PTPRM: variants seen among roughly 807,000 people sequenced by gnomAD.
The protein encoded by PTPRM is receptor-type tyrosine-protein phosphatase mu.
PTPRM carries 47 observed loss-of-function variants against 186.7 expected under a neutral mutation model. That is an observed-to-expected ratio of 0.25 (90% confidence interval 0.20 to 0.32). The LOEUF is 0.32. Ranked by LOEUF, PTPRM falls within the 10% of genes least tolerant of loss-of-function variation. The pLI is 1.00. For synonymous variants in PTPRM, 668 were observed against 674.9 expected, an observed-to-expected ratio of 0.99 and a Z score of 0.16; for missense variants, 1,494 against 1,865.0, an observed-to-expected ratio of 0.80 and a Z score of 3.66.
intron 22 of PTPRM, among the ~76,000 whole-genome samples, chr18:8,338,957 T>G (rs1478586287): frequency 5.9e-5 from 9 of 152,114 alleles, no homozygotes; most frequent in Non-Finnish European, 1.5e-5. Context: ...TTTATAGATG[T>G]AGGGGTACAA....
At chr18:8,376,414 G>A (rs868242811) in intron 25 of PTPRM, 48 bp from the exon 26 acceptor site, 4 of 1,611,874 alleles carry the variant, frequency 2.5e-6, no homozygotes, top group Middle Eastern at 3.3e-4. Context: ...AGCAGCAGCA[G>A]CAGTGTGGTC....
chr18:7,595,204 A>G (rs1439669401), intron 1 of PTPRM, among the ~76,000 whole-genome samples: 1 of 152,162 alleles, frequency 6.6e-6, no homozygotes, highest in Non-Finnish European at 1.5e-5. Flanking sequence ...TTTAATTTCC[A>G]TTTACCTTGA....
At chr18:8,131,756 G>T (rs2092514806) in intron 13 of PTPRM, among the ~76,000 whole-genome samples, 1 of 152,226 alleles carries the variant, frequency 6.6e-6, no homozygotes, top group Non-Finnish European at 1.5e-5. Flanking sequence ...GTAAGGGAAT[G>T]AGAAGTCTTA....
chr18:8,130,128 G>A (rs2092466636), intron 13 of PTPRM, among the ~76,000 whole-genome samples: 1 of 152,158 alleles, frequency 6.6e-6, no homozygotes. Flanking sequence ...GATTGCTGCT[G>A]TTGTTTTTAA....
chr18:8,218,566 C>A (rs532656637), intron 14 of PTPRM, among the ~76,000 whole-genome samples: 1 of 152,168 alleles, frequency 6.6e-6, no homozygotes, highest in Non-Finnish European at 1.5e-5. Flanking sequence ...TTTGAATAAA[C>A]AGCAGATTAT....
chr18:7,679,717 G>T (rs1394424455), intron 1 of PTPRM, among the ~76,000 whole-genome samples: 1 of 151,948 alleles, frequency 6.6e-6, no homozygotes, highest in Non-Finnish European at 1.5e-5. Flanking sequence ...TATTCTCAGA[G>T]ATCTATATGT....
At chr18:8,073,363 C>G (rs565641944) in intron 8 of PTPRM, among the ~76,000 whole-genome samples, 1 of 152,330 alleles carries the variant, frequency 6.6e-6, no homozygotes, top group East Asian at 1.9e-4. Context: ...ATGTCATCAT[C>G]ATAAACACTT....
At chr18:7,772,355 CTTTCTTTCTTTCTTTCTT>C (rs1568108137) in intron 1 of PTPRM, among the ~76,000 whole-genome samples, 2 of 27,320 alleles carry the variant, frequency 7.3e-5, no homozygotes, top group Non-Finnish European at 1.7e-4. Context: ...CTTTCTCTTT[CTTTCTTTCTTTCTTTCTT>C]TCTTTCTTTC....
intron 2 of PTPRM, among the ~76,000 whole-genome samples, chr18:7,798,793 C>T (rs2043804100): frequency 6.6e-6 from 1 of 152,156 alleles, no homozygotes; most frequent in South Asian, 2.1e-4. Context: ...TCACATTCCC[C>T]AACACCGTAA....
intron 14 of PTPRM, among the ~76,000 whole-genome samples, chr18:8,195,175 T>A (rs922621352): frequency 1.5e-4 from 19 of 130,298 alleles, no homozygotes; most frequent in South Asian, 2.5e-4. Flanking sequence ...TTTTTTTTTT[T>A]AAATAATGTT....
chr18:8,177,744 G>A (rs1350549029), intron 14 of PTPRM, among the ~76,000 whole-genome samples: 1 of 152,190 alleles, frequency 6.6e-6, no homozygotes, highest in Non-Finnish European at 1.5e-5. Flanking sequence ...AAAGTAAATA[G>A]AGTACATTTG....
chr18:8,152,850 TG>T (rs1387230003), intron 14 of PTPRM, among the ~76,000 whole-genome samples: 3 of 151,578 alleles, frequency 2.0e-5, no homozygotes, highest in African/African-American at 7.3e-5. Flanking sequence ...CCCAAGTAGC[TG>T]GGAATATAGG....
At chr18:7,664,404 A>C (rs2039048578) in intron 1 of PTPRM, among the ~76,000 whole-genome samples, 1 of 152,212 alleles carries the variant, frequency 6.6e-6, no homozygotes, top group Admixed American at 6.5e-5. Flanking sequence ...CAGAGCATTA[A>C]ACATTGAGCA....
chr18:7,720,639 C>T (rs1448189889), intron 1 of PTPRM, among the ~76,000 whole-genome samples: 1 of 152,148 alleles, frequency 6.6e-6, no homozygotes, highest in East Asian at 1.9e-4. Context: ...CCCAGCACCT[C>T]CCCATCCCCC....
At chr18:7,822,704 G>A (rs1019484554) in intron 2 of PTPRM, among the ~76,000 whole-genome samples, 2 of 152,100 alleles carry the variant, frequency 1.3e-5, no homozygotes, top group African/African-American at 4.8e-5. Flanking sequence ...GGCCTCTGCG[G>A]ACCTTGAACT....
intron 2 of PTPRM, among the ~76,000 whole-genome samples, chr18:7,829,716 T>G (rs539314825): frequency 3.5e-4 from 54 of 152,278 alleles, no homozygotes; most frequent in African/African-American, 1.3e-3. Context: ...ATAAAAACTT[T>G]CATGTGGTAC....
chr18:7,936,618 T>C (rs7232467), intron 5 of PTPRM, among the ~76,000 whole-genome samples: 13,554 of 152,120 alleles, frequency 0.089, 642 homozygotes, highest in Middle Eastern at 0.26. Flanking sequence ...ACAGCCTGAG[T>C]ACCATGAACA....
intron 2 of PTPRM, among the ~76,000 whole-genome samples, chr18:7,878,429 G>C (rs2048345532): frequency 6.6e-6 from 1 of 152,124 alleles, no homozygotes; most frequent in African/African-American, 2.4e-5. Flanking sequence ...TCTGACCCTA[G>C]TTGGGCTAAT....
intron 4 of PTPRM, among the ~76,000 whole-genome samples, chr18:7,925,774 G>T (rs916783299): frequency 2.0e-5 from 3 of 152,200 alleles, no homozygotes; most frequent in Non-Finnish European, 4.4e-5. Flanking sequence ...CCTAAAAGTA[G>T]AATTTTCATA....
Sources: gnomAD v4.1 joint callset for allele counts (sites outside exome capture counted in the v4.1 genomes callset) on GRCh38, gnomAD v4.1.1 for gene constraint, MANE v1.5 for transcripts, NCBI Gene and HGNC (gene_info 2026-07-23, HGNC 2026-07-21) for gene names.